The following USP38 variants were observed in gnomAD, a reference collection of about 807,000 sequenced individuals.
The protein encoded by USP38 is ubiquitin specific peptidase 38.
In USP38, 49 loss-of-function variants were observed where a neutral mutation model predicts 94.3. The observed-to-expected ratio is 0.52, with a 90% confidence interval of 0.41 to 0.66. USP38 has a LOEUF of 0.66. Among genes scored for constraint, USP38 ranks in the 30% least tolerant of loss-of-function variants. The pLI, the probability that USP38 is intolerant of heterozygous loss-of-function variation, is 0.00. For missense variants in USP38, 1,128 were observed against 1,229.4 expected, an observed-to-expected ratio of 0.92 and a Z score of 1.23; for synonymous variants, 468 against 463.6, an observed-to-expected ratio of 1.01 and a Z score of -0.12.
chr4:143,210,678 A>G (rs1448991913), intron 7 of USP38, among the ~76,000 whole-genome samples: 4 of 151,602 alleles, frequency 2.6e-5, no homozygotes, highest in African/African-American at 9.7e-5. Context: ...TATTTATAAT[A>G]TATATTATTA....
intron 2 of USP38, among the ~76,000 whole-genome samples, chr4:143,191,043 C>G (rs1731382923): frequency 6.6e-6 from 1 of 151,660 alleles, no homozygotes; most frequent in Admixed American, 6.6e-5. Flanking sequence ...TCCAGTGTAG[C>G]CTGCGTGATC....
chr4:143,198,475 G>A (rs777670498), intron 4 of USP38, among the ~76,000 whole-genome samples: 1 of 152,118 alleles, frequency 6.6e-6, no homozygotes, highest in Non-Finnish European at 1.5e-5. Context: ...CCACTCTAGG[G>A]CATCATAGGA....
chr4:143,187,112 C>A (rs1026012996), intron 1 of USP38, among the ~76,000 whole-genome samples: 2 of 151,984 alleles, frequency 1.3e-5, no homozygotes, highest in Admixed American at 6.6e-5. Context: ...TGTAATTTTA[C>A]TTCTATTGCC....
intron 8 of USP38, 65 bp from the exon 9 acceptor site, chr4:143,213,515 AT>A (rs958820100): frequency 2.8e-6 from 4 of 1,426,252 alleles, no homozygotes; most frequent in Non-Finnish European, 2.8e-6. Flanking sequence ...AGCCACTAAT[AT>A]TTTTAAATAG....
Position 143,213,720 on chromosome 4 carries a change from G to A in USP38, c.1744G>A (p.Glu582Lys), listed in dbSNP as rs200196203. The A allele has an allele frequency of 1.9e-6, 3 of 1,613,752 alleles. No individual in the cohort carries two copies. The highest frequency in any genetic ancestry group is 2.5e-6 in the Non-Finnish European group (3 of 1,179,820). The stretch of plus-strand genomic sequence containing the variant: ...AGAGACCCCTCGTACAAGTGACGGT[G>A]AGAAGACTTTAATAGAAAAAATGTT... ...LTETPRTSDG[E>K]KTLIEKMFGG... The change falls in exon 9 of 10, where the codon GAG becomes AAG. Residue 582 changes from glutamate (E) to lysine (K), a missense_variant. Coordinates refer to ENST00000307017, the MANE Select transcript of USP38 (RefSeq NM_032557.6).
chr4:143,199,015 A>C (rs939146813), intron 4 of USP38, among the ~76,000 whole-genome samples: 7 of 152,114 alleles, frequency 4.6e-5, no homozygotes, highest in Admixed American at 1.3e-4. Flanking sequence ...ATTCAGGGAA[A>C]CATGAAAGTT....
intron 2 of USP38, among the ~76,000 whole-genome samples, chr4:143,188,566 CTT>C (rs1285542652): frequency 6.6e-6 from 1 of 151,990 alleles, no homozygotes; most frequent in East Asian, 1.9e-4. Context: ...TGTCTGGAAA[CTT>C]TTATGTTCTC....
chr4:143,188,907 C>T (rs1581154366), intron 2 of USP38, among the ~76,000 whole-genome samples: 3 of 152,098 alleles, frequency 2.0e-5, no homozygotes, highest in East Asian at 1.9e-4. Flanking sequence ...TAAATTGGCA[C>T]GGCTTTTCTT....
At chr4:143,208,762 A>AT (rs1456494485) in intron 6 of USP38, among the ~76,000 whole-genome samples, 6 of 151,652 alleles carry the variant, frequency 4.0e-5, no homozygotes, top group Non-Finnish European at 5.9e-5. Flanking sequence ...TTTATTTATA[A>AT]TTTTTTAATT....
chr4:143,204,540 C>T (rs1282365853), intron 5 of USP38: 1 of 379,246 alleles, frequency 2.6e-6, no homozygotes, highest in South Asian at 1.9e-5. Context: ...CAGGTGCACA[C>T]CACCACGCCA....
rs1173015570 is a variant in USP38 at position 143,221,318 on chromosome 4, T to C, written c.*862T>C. The C allele has an allele frequency of 2.0e-5, 3 of 152,526 alleles. No homozygotes were observed. The highest frequency in any genetic ancestry group is 2.9e-5 in the Non-Finnish European group (2 of 68,004). The allele number at this position is 152,526 out of a possible 1,614,324, so 9.4% of individuals were successfully genotyped here. A position where few individuals can be genotyped will look rare whatever the true frequency, so the allele number is the denominator to read the frequency against. ...CGTGCTAACATTAAAATTATAACTT[T>C]TTGAAAGGTAATAGATTTTCCAGAA... is the stretch of plus-strand genomic sequence containing the variant. On this transcript the variant is annotated 3_prime_UTR_variant, in exon 10 of 10. Transcript: ENST00000307017.
At position 143,209,509 on chromosome 4, in the gene USP38, A is replaced by G. The variant is rs6822036; in HGVS notation, c.1404-55A>G. 16,727 of 1,088,332 alleles carry G rather than the reference A, an allele frequency of 0.015. 1,172 individuals are homozygous for G. The African/African-American group carries it at 0.19, about 12-fold the overall frequency. The allele number at this position is 1,088,332 out of a possible 1,614,324, so 67.4% of individuals were successfully genotyped here. A position where few individuals can be genotyped will look rare whatever the true frequency, so the allele number is the denominator to read the frequency against. On this transcript the variant is annotated intron_variant, in intron 6 of 9. Coordinates refer to ENST00000307017, the MANE Select transcript of USP38 (RefSeq NM_032557.6). Reference sequence around the variant, plus strand: ...TGTCTCAAAAAAAAAAAAAGCTTTTAATAAATGCATGTGTTTGTACGCACA... The same window carrying G: ...TGTCTCAAAAAAAAAAAAAGCTTTTGATAAATGCATGTGTTTGTACGCACA...
At position 143,222,528 on chromosome 4, in the gene USP38, G is replaced by T. The variant is rs990162837; in HGVS notation, c.*2072G>T. 7.2e-5 allele frequency: 11 copies of T among 151,902 alleles called. No individual in the cohort carries two copies. The East Asian group carries it at 2.1e-3, about 29-fold the overall frequency. The allele number at this position is 151,902 out of a possible 1,614,324, so 9.4% of individuals were successfully genotyped here. On this transcript the variant is annotated 3_prime_UTR_variant, in exon 10 of 10. Coordinates refer to ENST00000307017, the MANE Select transcript of USP38 (RefSeq NM_032557.6). Reference sequence around the variant, plus strand: ...GTACTATTTTTTATGATATTTATTGGTTTTTTAAATTTTCTATCCAAAGTT... The same window carrying T: ...GTACTATTTTTTATGATATTTATTGTTTTTTTAAATTTTCTATCCAAAGTT...
At position 143,214,883 on chromosome 4, in the gene USP38, C is replaced by A. The variant is rs1423307465; in HGVS notation, c.2907C>A (p.Asp969Glu). The part of the protein sequence containing the change: ...NPTSGLWING[D>E]PPLQKELMDA... ...CCAGTGGACTCTGGATAAATGGAGA[C>A]CCACCTCTACAGAAAGAACTTATGG... Residue 969 changes from aspartate to glutamate, a missense_variant, in exon 9 of 10, where the codon GAC becomes GAA. Asp to Glu is a conservative substitution (Grantham distance 45, BLOSUM62 2). Transcript: ENST00000307017. The A allele has an allele frequency of 3.1e-6, 5 of 1,613,244 alleles. No individual in the cohort carries two copies. The Admixed American group carries it at 5.0e-5, about 16-fold the overall frequency.
At chr4:143,193,207 A>G (rs1731448896) in intron 2 of USP38, among the ~76,000 whole-genome samples, 1 of 151,862 alleles carries the variant, frequency 6.6e-6, no homozygotes, top group Admixed American at 6.6e-5. Context: ...TTTTAAAAAA[A>G]CTGCAGTGGT....
In USP38 at chr4:143,185,433, C is replaced by T. The variant is rs1207720737; in HGVS notation, c.-18C>T. On this transcript the variant is annotated 5_prime_UTR_variant, in exon 1 of 10. Coordinates refer to ENST00000307017, the MANE Select transcript of USP38 (RefSeq NM_032557.6). Reference sequence around the variant, plus strand: ...CCCGCTCCTTATCCCCTGGCCCTGGCCTTGCAGCGTGGCGACAATGGACAA... The same window carrying T: ...CCCGCTCCTTATCCCCTGGCCCTGGTCTTGCAGCGTGGCGACAATGGACAA... 1.3e-6 allele frequency: 2 copies of T among 1,565,004 alleles called. No individual in the cohort carries two copies. Among genetic ancestry groups the T allele is most frequent in the East Asian group, 2.3e-5 (1 of 44,428 alleles).
At chr4:143,187,718 T>G in intron 1 of USP38, 108 bp from the exon 2 acceptor site, 5 of 1,189,144 alleles carry the variant, frequency 4.2e-6, no homozygotes, top group Non-Finnish European at 5.7e-6. Context: ...TAATCCTTCC[T>G]AGTTAACACC....
intron 7 of USP38, 56 bp downstream of exon 7, chr4:143,209,713 A>T (rs1581165993): frequency 9.0e-7 from 1 of 1,109,366 alleles, no homozygotes; most frequent in South Asian, 1.4e-5. Context: ...AATATTCATT[A>T]AACTTTACCT....
chr4:143,212,436 T>G lies in USP38; in HGVS notation c.1604+12T>G. ...TTTCTCCTTGACAGGTAAAAAGTAT[T>G]CTTAAAATTGTGATTTGAGTGTTGT... On this transcript the variant is annotated intron_variant, in intron 8 of 9. Coordinates refer to ENST00000307017, the MANE Select transcript of USP38 (RefSeq NM_032557.6). 3.2e-6 allele frequency: 5 copies of G among 1,561,442 alleles called. 1 individual carries two copies. Among genetic ancestry groups the G allele is most frequent in the South Asian group, 1.2e-5 (1 of 83,812 alleles).
Sources: allele counts gnomAD v4.1 joint callset (sites outside exome capture counted in the v4.1 genomes callset), GRCh38; gene constraint gnomAD v4.1.1; transcripts MANE v1.5; gene names NCBI Gene and HGNC (gene_info 2026-07-23, HGNC 2026-07-21).